The following TXLNG variants were observed in gnomAD, a reference collection of about 807,000 sequenced individuals.
TXLNG encodes the protein gamma-taxilin.
Under a neutral mutation model 38.8 loss-of-function variants are expected in TXLNG, and 5 were observed. The observed-to-expected ratio is 0.13, with a 90% confidence interval of 0.07 to 0.27. TXLNG has a LOEUF of 0.27. Ranked by LOEUF, TXLNG falls within the 10% of genes least tolerant of loss-of-function variation. The pLI, the probability that TXLNG is intolerant of heterozygous loss-of-function variation, is 1.00. For synonymous variants in TXLNG, 182 were observed against 158.2 expected (o/e 1.15, Z -1.13); for missense variants, 393 against 398.2 (o/e 0.99, Z 0.11).
At chrX:16,799,009 A>G (rs1018382972) in intron 1 of TXLNG, among the ~76,000 whole-genome samples, 2 of 110,167 alleles carry the variant, frequency 1.8e-5, no homozygotes, top group African/African-American at 3.3e-5. Flanking sequence ...CCTCCCGAGT[A>G]GCTGGGATTA....
chrX:16,841,177 G>A (rs1247518074), intron 9 of TXLNG, among the ~76,000 whole-genome samples: 4 of 109,036 alleles, frequency 3.7e-5, no homozygotes, highest in Non-Finnish European at 7.6e-5. Flanking sequence ...CCTGGCAACA[G>A]AGCAAGACTC....
At chrX:16,821,136 CTTTCTTTTTT>C (rs1253826510) in intron 3 of TXLNG, among the ~76,000 whole-genome samples, 12 of 54,513 alleles carry the variant, frequency 2.2e-4, no homozygotes, top group African/African-American at 9.0e-4. Flanking sequence ...TTCTTTCTTT[CTTTCTTTTTT>C]TTTTTTTTTT....
rs775011171 is a variant in TXLNG, at chrX:16,841,645, T to C, written c.1466T>C (p.Leu489Pro). 5 of 1,211,573 alleles carry C rather than the reference T, an allele frequency of 4.1e-6. No individual in the cohort carries two copies. Among genetic ancestry groups the C allele is most frequent in the Non-Finnish European group, 4.5e-6 (4 of 895,497 alleles). The change falls in exon 10 of 10, where the codon CTG becomes CCG. Residue 489 changes from leucine (L) to proline (P), a missense_variant. Transcript: ENST00000380122. ...ACTGCCCTGGATTCTCACAAGGAGC[T>C]GAACACTTCCTCGAAAAGAGCCCTG... is the stretch of plus-strand genomic sequence containing the variant. ...PCTALDSHKE[L>P]NTSSKRALGA...
chrX:16,836,776 C>A (rs1186933251), intron 7 of TXLNG, among the ~76,000 whole-genome samples: 1 of 112,135 alleles, frequency 8.9e-6, no homozygotes, highest in African/African-American at 3.2e-5. Context: ...TGTGATCTTG[C>A]CCAAAATACT....
chrX:16,828,058 T>C (rs1268455941), intron 3 of TXLNG, 36 bp from the exon 4 acceptor site: 1 of 1,145,251 alleles, frequency 8.7e-7, no homozygotes, highest in Non-Finnish European at 1.2e-6. Flanking sequence ...AGATTTTTAC[T>C]GTACTTCCTA....
Position 16,834,222 on chromosome X carries a change from T to A in TXLNG, c.985-61T>A. 5 of 967,990 alleles carry A rather than the reference T, an allele frequency of 5.2e-6. No individual in the cohort carries two copies. The South Asian group carries it at 1.1e-4, about 21-fold the overall frequency. The allele number at this position is 967,990 out of a possible 1,213,427, so 79.8% of individuals were successfully genotyped here. On this transcript the variant is annotated intron_variant, in intron 6 of 9. Transcript: ENST00000380122. ...AGGATGAAGCCTAACTCTGATCATT[T>A]GATATTTAGTCCTGCTTGTAATTAC...
intron 1 of TXLNG, among the ~76,000 whole-genome samples, chrX:16,805,007 T>TTTTTTTTTG (rs1162642529): frequency 0.025 from 954 of 38,699 alleles, 223 homozygotes; most frequent in South Asian, 0.047. Context: ...TTTTTTTTTT[T>TTTTTTTTTG]GAGAGACAGA....
intron 1 of TXLNG, among the ~76,000 whole-genome samples, chrX:16,790,819 G>A (rs1927675461): frequency 8.9e-6 from 1 of 111,813 alleles, no homozygotes; most frequent in Admixed American, 9.6e-5. Context: ...GCTGCTCAAC[G>A]ATGTTAACTC....
intron 1 of TXLNG, among the ~76,000 whole-genome samples, chrX:16,796,879 A>G (rs1166406565): frequency 2.7e-5 from 3 of 111,250 alleles, no homozygotes; most frequent in Non-Finnish European, 5.7e-5. Context: ...ATCTTTTTGT[A>G]CACTTACACA....
intron 1 of TXLNG, among the ~76,000 whole-genome samples, chrX:16,814,337 G>A (rs780243623): frequency 1.7e-4 from 19 of 112,131 alleles, no homozygotes; most frequent in South Asian, 7.3e-4. Context: ...GACTCAGCCC[G>A]GTGTGGTGGT....
Position 16,789,033 on chromosome X carries a change from G to A in TXLNG, c.102+2444G>A, listed in dbSNP as rs1602351597. ...GTCCCTTAATTTTAAAATTTCTTTT[G>A]GGTCACTGACTTGAAAAAATATTTC... On this transcript the variant is annotated intron_variant, in intron 1 of 9. Transcript: ENST00000380122. Among the ~76,000 whole-genome samples, 4 of 111,311 alleles carry A rather than the reference G, an allele frequency of 3.6e-5. No individual in the cohort carries two copies. The Admixed American group carries it at 3.8e-4, about 11-fold the overall frequency.
rs1930000009 is a variant in TXLNG, at chrX:16,844,190, G to C, written c.*2424G>C. ...AGACTTGTTAGGAGTACATTTCTTG[G>C]TCTTGAGACCAGTATTTTTCAGTTA... On this transcript the variant is annotated 3_prime_UTR_variant, in exon 10 of 10. Transcript: ENST00000380122. The C allele has an allele frequency of 9.0e-6, 1 of 111,594 alleles. No individual in the cohort carries two copies. Among genetic ancestry groups the C allele is most frequent in the African/African-American group, 3.3e-5 (1 of 30,589 alleles). The allele number at this position is 111,594 out of a possible 1,213,427, so 9.2% of individuals were successfully genotyped here.
At chrX:16,818,487 A>G (rs1928820927) in intron 1 of TXLNG, 87 bp from the exon 2 acceptor site, 1 of 1,042,853 alleles carries the variant, frequency 9.6e-7, no homozygotes, top group South Asian at 2.3e-5. Flanking sequence ...AAAAACTATC[A>G]GGCTATGATG....
chrX:16,820,299 A>G (rs1412477660), intron 3 of TXLNG, 44 bp downstream of exon 3: 1 of 1,025,410 alleles, frequency 9.8e-7, no homozygotes, highest in East Asian at 3.1e-5. Flanking sequence ...AAAATATAAC[A>G]AAATGTGTGT....
intron 2 of TXLNG, 93 bp from the exon 3 acceptor site, chrX:16,820,071 T>C: frequency 1.5e-6 from 1 of 650,137 alleles, no homozygotes; most frequent in Non-Finnish European, 2.3e-6. Context: ...TAGTTTACTC[T>C]GGATGTCAGA....
chrX:16,831,580 C>T (rs775293962), intron 5 of TXLNG, among the ~76,000 whole-genome samples: 63 of 111,875 alleles, frequency 5.6e-4, no homozygotes, highest in African/African-American at 9.7e-4. Context: ...ATTGAAGAAA[C>T]GTCTTTTTTG....
At chrX:16,820,295 T>C (rs1928890739) in intron 3 of TXLNG, 40 bp downstream of exon 3, 3 of 1,040,543 alleles carry the variant, frequency 2.9e-6, no homozygotes, top group African/African-American at 1.9e-5. Flanking sequence ...ATATAAAATA[T>C]AACAAAATGT....
intron 1 of TXLNG, among the ~76,000 whole-genome samples, chrX:16,799,757 C>T (rs1387481907): frequency 9.1e-6 from 1 of 110,384 alleles, no homozygotes; most frequent in Admixed American, 9.7e-5. Flanking sequence ...GGTGACAGAG[C>T]GAGACTCTGT....
At chrX:16,839,537 C>T in intron 8 of TXLNG, 1 of 173,338 alleles carries the variant, frequency 5.8e-6, no homozygotes. Flanking sequence ...TGGTGGCTGA[C>T]AGCTTCCTCC....
Sources: gnomAD v4.1 joint callset for allele counts (sites outside exome capture counted in the v4.1 genomes callset) on GRCh38, gnomAD v4.1.1 for gene constraint, MANE v1.5 for transcripts, NCBI Gene and HGNC (gene_info 2026-07-23, HGNC 2026-07-21) for gene names.